Variants in PTPRD observed in about 807,000 individuals in gnomAD.
The protein encoded by PTPRD is receptor-type tyrosine-protein phosphatase delta.
In PTPRD, 34 loss-of-function variants were observed where a neutral mutation model predicts 214.5. That is an observed-to-expected ratio of 0.16 (90% CI 0.12 to 0.21). The LOEUF is 0.21. Among genes scored for constraint, PTPRD ranks in the 10% least tolerant of loss-of-function variants. The probability of loss-of-function intolerance (pLI) is 1.00; values close to 1 mark genes in which losing one functional copy is unlikely to be tolerated. For missense variants in PTPRD, 2,545 were observed against 2,398.7 expected (o/e 1.06, Z -1.27); for synonymous variants, 1,128 against 845.7 (o/e 1.33, Z -5.79).
At chr9:8,432,073 A>G (rs7866424) in intron 35 of PTPRD, among the ~76,000 whole-genome samples, 16,495 of 152,250 alleles carry the variant, frequency 0.11, 1,961 homozygotes, top group African/African-American at 0.3. Flanking sequence ...AGGCAACCAA[A>G]TGATCTGTAG....
intron 7 of PTPRD, among the ~76,000 whole-genome samples, chr9:9,633,289 G>A (rs1313257411): frequency 6.6e-6 from 1 of 151,592 alleles, no homozygotes; most frequent in Non-Finnish European, 1.5e-5. Context: ...GAGAGAGAGT[G>A]AGACTCCATC....
At chr9:9,865,392 G>C (rs2063717503) in intron 5 of PTPRD, among the ~76,000 whole-genome samples, 1 of 152,156 alleles carries the variant, frequency 6.6e-6, no homozygotes, top group Admixed American at 6.5e-5. Context: ...ATTATCATGG[G>C]AGAGGGACTG....
At chr9:9,380,211 C>T (rs1266975812) in intron 9 of PTPRD, among the ~76,000 whole-genome samples, 1 of 152,154 alleles carries the variant, frequency 6.6e-6, no homozygotes, top group East Asian at 1.9e-4. Context: ...TTTAATCATG[C>T]TAGACATCTC....
chr9:8,910,079 TC>T (rs2098736765), intron 11 of PTPRD, among the ~76,000 whole-genome samples: 1 of 151,942 alleles, frequency 6.6e-6, no homozygotes, highest in African/African-American at 2.4e-5. Flanking sequence ...CGCTCTGTTG[TC>T]CAGGCTGGAG....
At chr9:8,806,720 T>C (rs115917752) in intron 11 of PTPRD, among the ~76,000 whole-genome samples, 3,105 of 152,280 alleles carry the variant, frequency 0.02, 108 homozygotes, top group African/African-American at 0.071. Context: ...TGTTCTGATG[T>C]TTTAATGTGT....
chr9:9,835,038 G>A (rs74897817), intron 5 of PTPRD, among the ~76,000 whole-genome samples: 1,823 of 151,756 alleles, frequency 0.012, 24 homozygotes, highest in African/African-American at 0.041. Context: ...TAGTAGATAG[G>A]GTACTTAGTT....
chr9:8,403,489 G>T (rs374853083), intron 36 of PTPRD, among the ~76,000 whole-genome samples: 24 of 152,162 alleles, frequency 1.6e-4, no homozygotes, highest in African/African-American at 5.5e-4. Context: ...ATTTTCTAAG[G>T]ACTTTCCAAT....
intron 2 of PTPRD, among the ~76,000 whole-genome samples, chr9:10,604,165 ATATTCTGAC>A (rs2078688728): frequency 1.2e-4 from 1 of 8,104 alleles, no homozygotes; most frequent in African/African-American, 1.3e-4. Context: ...TGAGGACCAT[ATATTCTGAC>A]CTATTCTGAC....
At chr9:9,285,295 G>A (rs562266425) in intron 9 of PTPRD, among the ~76,000 whole-genome samples, 42 of 151,630 alleles carry the variant, frequency 2.8e-4, no homozygotes, top group Middle Eastern at 3.4e-3. Context: ...TACCATACCT[G>A]CCTCACACAT....
At chr9:10,604,937 C>A (rs1038336049) in intron 2 of PTPRD, among the ~76,000 whole-genome samples, 1 of 151,804 alleles carries the variant, frequency 6.6e-6, no homozygotes, top group African/African-American at 2.4e-5. Flanking sequence ...AAAGTTCCTG[C>A]TGAGTAGTAC....
At chr9:9,809,962 G>T (rs1223609541) in intron 5 of PTPRD, among the ~76,000 whole-genome samples, 2 of 151,952 alleles carry the variant, frequency 1.3e-5, no homozygotes, top group Non-Finnish European at 2.9e-5. Context: ...GCCCACATGG[G>T]TTTGAACTGT....
chr9:8,469,606 C>T (rs1183122436), intron 31 of PTPRD, among the ~76,000 whole-genome samples: 1 of 152,040 alleles, frequency 6.6e-6, no homozygotes, highest in Non-Finnish European at 1.5e-5. Flanking sequence ...TCTGCATTTT[C>T]AGTTAAAGGA....
At chr9:10,256,912 C>T (rs1276960909) in intron 3 of PTPRD, among the ~76,000 whole-genome samples, 1 of 152,138 alleles carries the variant, frequency 6.6e-6, no homozygotes, top group Non-Finnish European at 1.5e-5. Context: ...ATCTTAGTTC[C>T]ATCACTTCCT....
intron 4 of PTPRD, among the ~76,000 whole-genome samples, chr9:9,959,192 C>T (rs544683667): frequency 1.3e-5 from 2 of 152,112 alleles, no homozygotes; most frequent in Non-Finnish European, 1.5e-5. Flanking sequence ...TATCAAGCCA[C>T]AGTAATCTTA....
chr9:9,440,216 G>A (rs2086997685), intron 8 of PTPRD, among the ~76,000 whole-genome samples: 1 of 152,138 alleles, frequency 6.6e-6, no homozygotes, highest in Non-Finnish European at 1.5e-5. Context: ...ACCAACTTCA[G>A]CTTTTAACTT....
chr9:9,064,617 C>G (rs1312069962), intron 10 of PTPRD, among the ~76,000 whole-genome samples: 1 of 152,174 alleles, frequency 6.6e-6, no homozygotes, highest in Non-Finnish European at 1.5e-5. Flanking sequence ...TGTCCCACAC[C>G]AAATACATTT....
intron 5 of PTPRD, among the ~76,000 whole-genome samples, chr9:9,785,273 A>G (rs2098913651): frequency 6.6e-6 from 1 of 152,026 alleles, no homozygotes. Flanking sequence ...GGATACCAAA[A>G]TTACTGGGTG....
rs982814661 is a variant in PTPRD, at chr9:9,722,277, G to A, written c.-287+12256C>T. On this transcript the variant is annotated intron_variant, in intron 7 of 45. Coordinates refer to ENST00000381196, the MANE Select transcript of PTPRD (RefSeq NM_002839.4). ...TCAGCTCTTGGCAACCAAATCTATG[G>A]ATTTCCCTATTCTGGATAATTCAGG... Among the ~76,000 whole-genome samples, 6 of 152,012 alleles carry A rather than the reference G, an allele frequency of 3.9e-5. No homozygotes were observed. The South Asian group carries it at 6.2e-4, about 16-fold the overall frequency.
intron 2 of PTPRD, among the ~76,000 whole-genome samples, chr9:10,344,781 T>G (rs111533978): frequency 6.6e-6 from 1 of 152,286 alleles, no homozygotes; most frequent in African/African-American, 2.4e-5. Context: ...TTATTCACTT[T>G]GTAGCAATTC....
Sources: allele counts gnomAD v4.1 joint callset (sites outside exome capture counted in the v4.1 genomes callset), GRCh38; gene constraint gnomAD v4.1.1; transcripts MANE v1.5; gene names NCBI Gene and HGNC (gene_info 2026-07-23, HGNC 2026-07-21).